BCL11B: variants seen among roughly 807,000 people sequenced by gnomAD.
The protein encoded by BCL11B is B-cell lymphoma/leukemia 11B.
Under a neutral mutation model 49.9 loss-of-function variants are expected in BCL11B, and 8 were observed. The observed-to-expected ratio is 0.16, with a 90% CI of 0.09 to 0.29. BCL11B has a LOEUF of 0.29. Ranked by LOEUF, BCL11B falls within the 10% of genes least tolerant of loss-of-function variation. BCL11B has a pLI of 1.00. For synonymous variants in BCL11B, 739 were observed against 637.4 expected (o/e 1.16, Z -2.40); for missense variants, 1,006 against 1,351.0 (o/e 0.74, Z 4.00).
At chr14:99,189,942 G>A (rs74080346) in intron 3 of BCL11B, among the ~76,000 whole-genome samples, 17,862 of 152,204 alleles carry the variant, frequency 0.12, 1,128 homozygotes, top group African/African-American at 0.16. Flanking sequence ...AGTGGCAGGA[G>A]CACCTCAAGG....
Position 99,171,614 on chromosome 14 carries a change from T to C in BCL11B, c.*2537A>G, listed in dbSNP as rs1886292218. The C allele has an allele frequency of 4.7e-6, 1 of 210,864 alleles. No individual in the cohort carries two copies. Among genetic ancestry groups the C allele is most frequent in the African/African-American group, 2.3e-5 (1 of 44,078 alleles). 13.1% of individuals were successfully genotyped at this position (210,864 alleles called of 1,614,324 possible). A position where few individuals can be genotyped will look rare whatever the true frequency, so the allele number is the denominator to read the frequency against. On this transcript the variant is annotated 3_prime_UTR_variant, in exon 4 of 4. Transcript: ENST00000357195. ...TAAGTACAGGTCAGAAATGTGATTT[T>C]TTTTTTTTCTGCAAAGCAATAACAA... is the stretch of plus-strand genomic sequence containing the variant.
intron 2 of BCL11B, among the ~76,000 whole-genome samples, chr14:99,250,991 C>T (rs1437207780): frequency 6.6e-6 from 1 of 152,114 alleles, no homozygotes; most frequent in African/African-American, 2.4e-5. Context: ...CTCTGGTTTG[C>T]ACAGTTCACA....
Position 99,258,894 on chromosome 14 carries a change from G to GTT in BCL11B, c.59-1057_59-1056dup, listed in dbSNP as rs11439167. On this transcript the variant is annotated intron_variant, in intron 1 of 3. Coordinates refer to ENST00000357195, the MANE Select transcript of BCL11B (RefSeq NM_138576.4). Reference sequence around the variant, plus strand: ...TTAGCAGCCGATAGATTTCTCTTGGGTTTTTTTTGTGGGGGAGAGAGTAGG... The same window carrying GTT: ...TTAGCAGCCGATAGATTTCTCTTGGGTTTTTTTTTTGTGGGGGAGAGAGTAGG... 3.6e-4 allele frequency among the ~76,000 whole-genome samples: 54 copies of GTT among 151,910 alleles called. No homozygotes were observed. The South Asian group carries it at 4.8e-3, about 13-fold the overall frequency.
At chr14:99,267,545 C>CCA (rs1491567242) in intron 1 of BCL11B, among the ~76,000 whole-genome samples, 1 of 1,260 alleles carries the variant, frequency 7.9e-4, no homozygotes, top group Non-Finnish European at 1.8e-3. Context: ...AGGAACTTCA[C>CCA]CCCCCCCCCA....
Position 99,241,772 on chromosome 14 carries a change from C to G in BCL11B, c.428-10215G>C, listed in dbSNP as rs1486847845. On this transcript the variant is annotated intron_variant, in intron 2 of 3. Transcript: ENST00000357195. The surrounding 1 kb of genome is among the most constrained non-coding windows in gnomAD (Gnocchi z 4.4). The stretch of plus-strand genomic sequence containing the variant: ...ATCAGTGTCACTAAAAAAAACGTCA[C>G]TCTGTTTTGCAAAATCCAGCAGCTT... Among the ~76,000 whole-genome samples, 1 of 152,162 alleles carries G rather than the reference C, an allele frequency of 6.6e-6. No individual in the cohort carries two copies. Among genetic ancestry groups the G allele is most frequent in the Non-Finnish European group, 1.5e-5 (1 of 68,044 alleles).
intron 3 of BCL11B, among the ~76,000 whole-genome samples, chr14:99,199,683 T>TGTGTGTGTGTGCGCGC (rs759599743): frequency 9.5e-5 from 7 of 73,738 alleles, no homozygotes; most frequent in East Asian, 6.3e-4. Flanking sequence ...TGTGTGTGTG[T>TGTGTGTGTGTGCGCGC]GCGCGCGCGC....
At chr14:99,261,878 T>TAC (rs35001476) in intron 1 of BCL11B, among the ~76,000 whole-genome samples, 13,664 of 151,502 alleles carry the variant, frequency 0.09, 652 homozygotes, top group South Asian at 0.11. Context: ...AATCTGTATT[T>TAC]ACACACACAC....
rs1252307867 is a variant in BCL11B at position 99,175,369 on chromosome 14, G to A, written c.1467C>T (p.Asp489=). ...HKAGSLAGRS[D]DGLSAASSPE... is the part of the protein sequence containing the mutation. ...GGGAGCTGGCGGCCGAGAGCCCGTC[G>A]TCGGAGCGGCCGGCCAGCGAGCCGG... The change falls in exon 4 of 4, where the codon GAC becomes GAT. Residue 489 remains aspartate, a synonymous_variant. Coordinates refer to ENST00000357195, the MANE Select transcript of BCL11B (RefSeq NM_138576.4). The A allele has an allele frequency of 3.2e-6, 5 of 1,583,066 alleles. No individual in the cohort carries two copies. The highest frequency in any genetic ancestry group is 1.7e-5 in the Admixed American group (1 of 57,322).
Position 99,235,486 on chromosome 14 carries a change from T to C in BCL11B, c.428-3929A>G, listed in dbSNP as rs77078668. Among the ~76,000 whole-genome samples, 1,424 of 152,306 alleles carry C rather than the reference T, an allele frequency of 9.3e-3. 24 individuals are homozygous for C. Among genetic ancestry groups the C allele is most frequent in the African/African-American group, 0.033 (1,360 of 41,562 alleles). ...TTACTATGCATGAATGCAAAAAGCA[T>C]GATCAGGAGTAATTAACATGGCTTC... is the stretch of plus-strand genomic sequence containing the variant. On this transcript the variant is annotated intron_variant, in intron 2 of 3. Transcript: ENST00000357195.
Position 99,175,582 on chromosome 14 carries a change from C to T in BCL11B, c.1254G>A (p.Pro418=), listed in dbSNP as rs370633683. ...TGCTCTTGGCTGGCGGCTGCGGGGG[C>T]GGCGTGCCGCCAGGGGGCATGGGCG... ...PLPPMPPGGT[P]PPQPPAKSKS... Residue 418 remains proline (P), a synonymous_variant, in exon 4 of 4, where the codon CCG becomes CCA. Transcript: ENST00000357195. The T allele has an allele frequency of 3.2e-6, 5 of 1,581,676 alleles. No homozygotes were observed. Among genetic ancestry groups the T allele is most frequent in the African/African-American group, 1.4e-5 (1 of 73,020 alleles).
At chr14:99,240,895 C>T (rs748742401) in intron 2 of BCL11B, among the ~76,000 whole-genome samples, 3 of 152,190 alleles carry the variant, frequency 2.0e-5, no homozygotes, top group Non-Finnish European at 4.4e-5. Flanking sequence ...AGGTTTATAC[C>T]GCTATTTAAT....
intron 2 of BCL11B, among the ~76,000 whole-genome samples, chr14:99,244,195 G>A (rs1336970621): frequency 6.6e-6 from 1 of 152,046 alleles, no homozygotes; most frequent in Non-Finnish European, 1.5e-5. Context: ...TCAAAATAAA[G>A]AAAAGGAAAA....
In BCL11B at chr14:99,213,889, G is replaced by A. The variant is rs1156855187; in HGVS notation, c.640+17456C>T. Among the ~76,000 whole-genome samples the A allele has an allele frequency of 6.6e-6, 1 of 152,140 alleles. No individual in the cohort carries two copies. The highest frequency in any genetic ancestry group is 2.4e-5 in the African/African-American group (1 of 41,444). ...GGGCCAGCATCTTGCTTCTGATGCT[G>A]GAACACTCAAGGTGACACATCCCAG... is the stretch of plus-strand genomic sequence containing the variant. On this transcript the variant is annotated intron_variant, in intron 3 of 3. Coordinates refer to ENST00000357195, the MANE Select transcript of BCL11B (RefSeq NM_138576.4). This position sits in a 1 kb window ranked among gnomAD's most constrained non-coding sequence, Gnocchi z 5.1.
rs756838224 is a variant in BCL11B at position 99,217,395 on chromosome 14, C to CACATACAG, written c.640+13949_640+13950insCTGTATGT. Among the ~76,000 whole-genome samples the CACATACAG allele has an allele frequency of 4.6e-4, 70 of 150,628 alleles. 2 individuals carry two copies. Among genetic ancestry groups the CACATACAG allele is most frequent in the South Asian group, 2.3e-3 (11 of 4,750 alleles). ...ATACACACACATACAGACACACACA[C>CACATACAG]ACACACACACACACACACACACGGC... On this transcript the variant is annotated intron_variant, in intron 3 of 3. Coordinates refer to ENST00000357195, the MANE Select transcript of BCL11B (RefSeq NM_138576.4).
At chr14:99,255,288 C>T (rs1393620841) in intron 2 of BCL11B, among the ~76,000 whole-genome samples, 1 of 150,784 alleles carries the variant, frequency 6.6e-6, no homozygotes, top group Non-Finnish European at 1.5e-5. Context: ...GATTATTTTA[C>T]ATATTTCTTC....
chr14:99,195,656 G>A lies in BCL11B; in HGVS notation c.641-19461C>T, dbSNP rs1217542876. On this transcript the variant is annotated intron_variant, in intron 3 of 3. Transcript: ENST00000357195. This position sits in a 1 kb window ranked among gnomAD's most constrained non-coding sequence, Gnocchi z 4.7. ...ATACACAGCTTACATCCATCCCAGGGCCTGCAGCATGGGAAGTGCTCAAAA... is the reference window on the plus strand; with the variant it reads ...ATACACAGCTTACATCCATCCCAGGACCTGCAGCATGGGAAGTGCTCAAAA... Among the ~76,000 whole-genome samples, 2 of 152,088 alleles carry A rather than the reference G, an allele frequency of 1.3e-5. No homozygotes were observed. Among genetic ancestry groups the A allele is most frequent in the Non-Finnish European group, 2.9e-5 (2 of 68,006 alleles).
intron 3 of BCL11B, among the ~76,000 whole-genome samples, chr14:99,203,957 G>A (rs1250661124): frequency 6.6e-6 from 1 of 152,150 alleles, no homozygotes; most frequent in Non-Finnish European, 1.5e-5. Flanking sequence ...GGTCAGCAGT[G>A]CCCAGGATGC....
rs114926973 is a variant in BCL11B, at chr14:99,220,107, G to A, written c.640+11238C>T. Among the ~76,000 whole-genome samples, 265 of 152,322 alleles carry A rather than the reference G, an allele frequency of 1.7e-3. 1 individual carries two copies. The highest frequency in any genetic ancestry group is 6.2e-3 in the African/African-American group (256 of 41,578). On this transcript the variant is annotated intron_variant, in intron 3 of 3. Coordinates refer to ENST00000357195, the MANE Select transcript of BCL11B (RefSeq NM_138576.4). ...CTAAAATTACCCAACAGTCAGATAA[G>A]GATGCGGAGAAATGAGAACCTCTGT...
chr14:99,258,197 G>A (rs1889231306), intron 1 of BCL11B, among the ~76,000 whole-genome samples: 2 of 152,224 alleles, frequency 1.3e-5, no homozygotes, highest in Non-Finnish European at 1.5e-5. Context: ...GCATGAGGTC[G>A]TGATGTGTCT....
Sources: allele counts gnomAD v4.1 joint callset (sites outside exome capture counted in the v4.1 genomes callset), GRCh38; gene constraint gnomAD v4.1.1; non-coding constraint Gnocchi (gnomAD v3.1); transcripts MANE v1.5; gene names NCBI Gene and HGNC (gene_info 2026-07-23, HGNC 2026-07-21).